The following FASTKD3 variants were observed in gnomAD, a reference collection of about 807,000 sequenced individuals.
The protein encoded by FASTKD3 is FAST kinase domain-containing protein 3, mitochondrial.
Under a neutral mutation model 49.7 loss-of-function variants are expected in FASTKD3, and 47 were observed. That is an observed-to-expected ratio of 0.95 (90% CI 0.75 to 1.21). The LOEUF is 1.21. FASTKD3 is among the 50% of genes most tolerant of loss of function. The pLI is 0.00. For synonymous variants in FASTKD3, 284 were observed against 288.6 expected, an observed-to-expected ratio of 0.98 and a Z score of 0.16; for missense variants, 748 against 765.7, an observed-to-expected ratio of 0.98 and a Z score of 0.27.
At chr5:7,865,503 G>C (rs900003913) in intron 3 of FASTKD3, among the ~76,000 whole-genome samples, 1 of 152,078 alleles carries the variant, frequency 6.6e-6, no homozygotes, top group Non-Finnish European at 1.5e-5. Context: ...TTTCTGGCTT[G>C]GCTTAAAAAT....
chr5:7,862,109 G>T (rs1746591327), intron 4 of FASTKD3: 1 of 153,306 alleles, frequency 6.5e-6, no homozygotes, highest in Non-Finnish European at 1.5e-5. Context: ...GAGCACGGAA[G>T]GCTTCCGAAC....
At chr5:7,860,015 A>G (rs1241579287) in intron 6 of FASTKD3, among the ~76,000 whole-genome samples, 3 of 152,110 alleles carry the variant, frequency 2.0e-5, no homozygotes, top group Non-Finnish European at 4.4e-5. Context: ...GCAGCAAAGG[A>G]GAGAGTCTGC....
Position 7,867,263 on chromosome 5 carries a change from T to C in FASTKD3, c.821A>G (p.Gln274Arg). The C allele has an allele frequency of 6.2e-7, 1 of 1,613,954 alleles. No homozygotes were observed. The highest frequency in any genetic ancestry group is 2.2e-5 in the East Asian group (1 of 44,886). The change falls in exon 2 of 7, where the codon CAA (glutamine) becomes CGA (arginine). Residue 274 changes from glutamine to arginine, a missense_variant. Physicochemically the swap from Gln to Arg is conservative, Grantham distance 43. Around this residue, in one of 3 missense-constraint regions of FASTKD3, gnomAD observed 564 missense variants for 562.8 expected, o/e 1.00. Coordinates refer to ENST00000264669, the MANE Select transcript of FASTKD3 (RefSeq NM_024091.4). ...QACTEKVDEH[Q>R]TFLNKINNFS... is the part of the protein sequence containing the mutation. ...GTTGTTTATCTTATTTAAAAATGTT[T>C]GGTGTTCATCCACTTTTTCAGTACA...
intron 1 of FASTKD3, 145 bp downstream of exon 1, chr5:7,868,834 A>G: frequency 1.9e-6 from 1 of 513,784 alleles, no homozygotes. Flanking sequence ...AATGAAAGGG[A>G]CCCGCGGGGC....
intron 6 of FASTKD3, among the ~76,000 whole-genome samples, chr5:7,860,793 G>T (rs573284405): frequency 6.6e-6 from 1 of 152,148 alleles, no homozygotes; most frequent in East Asian, 1.9e-4. Context: ...GCTATTTCTT[G>T]TAGAAGCTTC....
intron 3 of FASTKD3, among the ~76,000 whole-genome samples, chr5:7,865,658 C>T (rs1409729406): frequency 6.6e-6 from 1 of 152,160 alleles, no homozygotes; most frequent in African/African-American, 2.4e-5. Flanking sequence ...CTGTAACTCA[C>T]ATGCCTGCAG....
Position 7,866,916 on chromosome 5 carries a change from T to C in FASTKD3, c.1168A>G (p.Asn390Asp). 1 of 1,614,144 alleles carries C rather than the reference T, an allele frequency of 6.2e-7. No homozygotes were observed. Among genetic ancestry groups the C allele is most frequent in the East Asian group, 2.2e-5 (1 of 44,880 alleles). ...RELILSKPIL[N>D]AVAETFVCQT... ...CAAACAAAAGTTTCTGCCACTGCAT[T>C]GAGGATGGGTTTTGAAAGAATCAGT... is the stretch of plus-strand genomic sequence containing the variant. Residue 390 changes from asparagine (N) to aspartate (D), a missense_variant, in exon 2 of 7, where the codon AAT (asparagine) becomes GAT (aspartate). Physicochemically the swap from Asn to Asp is conservative, Grantham distance 23. Coordinates refer to ENST00000264669, the MANE Select transcript of FASTKD3 (RefSeq NM_024091.4).
Position 7,866,708 on chromosome 5 carries a change from T to C in FASTKD3, c.1376A>G (p.Glu459Gly), listed in dbSNP as rs16879259. 65,931 of 1,611,430 alleles carry C rather than the reference T, an allele frequency of 0.041. 2,467 individuals carry two copies. Among genetic ancestry groups the C allele is most frequent in the East Asian group, 0.19 (8,694 of 44,848 alleles). Residue 459 changes from glutamate to glycine, a missense_variant, in exon 2 of 7, where the codon GAA becomes GGA. Glu to Gly is a moderately conservative substitution (Grantham distance 98). Around this residue, in one of 3 missense-constraint regions of FASTKD3, gnomAD observed 564 missense variants for 562.8 expected, o/e 1.00. Transcript: ENST00000264669. ...LKLLHSCSLN[E>G]CHPVNFLAKI... ...TGCCAGAAAGTTGACTGGATGGCAT[T>C]CATTAAGTGAACATGAATGAAGAAG... is the stretch of plus-strand genomic sequence containing the variant.
rs757025703 is a variant in FASTKD3, at chr5:7,859,522, A to G, written c.1902T>C (p.Ile634=). 1 of 1,598,734 alleles carries G rather than the reference A, an allele frequency of 6.3e-7. No homozygotes were observed. The highest frequency in any genetic ancestry group is 1.3e-5 in the African/African-American group (1 of 74,318). Residue 634 remains isoleucine, a synonymous_variant, in exon 7 of 7, where the codon ATT becomes ATC. Coordinates refer to ENST00000264669, the MANE Select transcript of FASTKD3 (RefSeq NM_024091.4). ...YQVVQIPYHE[I]GMLKSRRELV... is the part of the protein sequence containing the mutation. ...ATTCACGTCTTGATTTTAGCATCCC[A>G]ATCTCATGATAGGGGATCTGTAAAG...
chr5:7,863,034 TA>T, intron 3 of FASTKD3, 37 bp from the exon 4 acceptor site: 1 of 1,554,564 alleles, frequency 6.4e-7, no homozygotes, highest in Non-Finnish European at 8.8e-7. Flanking sequence ...GAAAGAAAAA[TA>T]AGATATAACA....
In FASTKD3 at chr5:7,863,222, A is replaced by G. The variant is rs1746680434; in HGVS notation, c.1525-225T>C. The G allele has an allele frequency of 5.0e-5, 25 of 501,838 alleles. No individual in the cohort carries two copies. In the South Asian group the frequency reaches 6.0e-4, roughly 12 times the overall value. 31.1% of individuals were successfully genotyped at this position (501,838 alleles called of 1,614,324 possible). A position where few individuals can be genotyped will look rare whatever the true frequency, so the allele number is the denominator to read the frequency against. On this transcript the variant is annotated intron_variant, in intron 3 of 6. Coordinates refer to ENST00000264669, the MANE Select transcript of FASTKD3 (RefSeq NM_024091.4). ...TGTCTTTTATATGTGTTTTTACAGT[A>G]GTCACTGGTTACCATAAACAGAAAG...
Position 7,862,963 on chromosome 5 carries a change from G to C in FASTKD3, c.1559C>G (p.Ser520Ter). 6.2e-7 allele frequency: 1 copy of C among 1,613,886 alleles called. No individual in the cohort carries two copies. Among genetic ancestry groups the C allele is most frequent in the Non-Finnish European group, 8.5e-7 (1 of 1,179,910 alleles). ...PKLLPKYQVKSFLTPCCSLET... is the reference protein window; with the variant it reads ...PKLLPKYQVK The stretch of plus-strand genomic sequence containing the variant: ...CAGGGAACAGCATGGGGTAAGAAAT[G>C]ACTTCACTTGATATTTAGGAAGGAG... The change falls in exon 4 of 7, where the codon TCA (serine) becomes TGA (stop). Residue 520 changes from serine to a stop codon, truncating the protein, a stop_gained. Coordinates refer to ENST00000264669, the MANE Select transcript of FASTKD3 (RefSeq NM_024091.4). LOFTEE classifies it high-confidence loss of function.
At chr5:7,866,022 TTGAGG>T (rs3832335) in intron 2 of FASTKD3, 39 bp from the exon 3 acceptor site, 461,794 of 1,482,092 alleles carry the variant, frequency 0.31, 76,187 homozygotes, top group South Asian at 0.43. Context: ...TACGTCTGAA[TTGAGG>T]TATGTATGAG....
Position 7,862,999 on chromosome 5 carries a change from T to TA in FASTKD3, c.1525-3dup, listed in dbSNP as rs546325772. 11,198 of 1,610,420 alleles carry TA rather than the reference T, an allele frequency of 7.0e-3. 53 individuals carry two copies. Among genetic ancestry groups the TA allele is most frequent in the Middle Eastern group, 0.012 (75 of 6,054 alleles). Reference sequence around the variant, plus strand: ...ATATTTAGGAAGGAGTTTTGGACCCTAAAAAATCATAAGTGCAAATGTGAG... The same window carrying TA: ...ATATTTAGGAAGGAGTTTTGGACCCTAAAAAAATCATAAGTGCAAATGTGAG... On this transcript the variant is annotated splice_polypyrimidine_tract_variant and splice_region_variant and intron_variant, in intron 3 of 6. Coordinates refer to ENST00000264669, the MANE Select transcript of FASTKD3 (RefSeq NM_024091.4).
At chr5:7,862,499 T>C (rs572114349) in intron 4 of FASTKD3, among the ~76,000 whole-genome samples, 3 of 152,302 alleles carry the variant, frequency 2.0e-5, no homozygotes, top group African/African-American at 7.2e-5. Flanking sequence ...TAGTGAGCAT[T>C]TCCTACGTTC....
chr5:7,868,690 G>T (rs1747259181), intron 1 of FASTKD3, among the ~76,000 whole-genome samples: 1 of 152,110 alleles, frequency 6.6e-6, no homozygotes, highest in African/African-American at 2.4e-5. Context: ...GGTAGGAAAA[G>T]AAAAAGCAAA....
At position 7,865,891 on chromosome 5, in the gene FASTKD3, C is replaced by T. The variant is rs1553997184; in HGVS notation, c.1524+7G>A. ...GAAATAAAGCCACATATAGTTCATG[C>T]TTTTACCTTATAGAAAGGGCATTCC... is the stretch of plus-strand genomic sequence containing the variant. On this transcript the variant is annotated splice_region_variant and intron_variant, in intron 3 of 6. Coordinates refer to ENST00000264669, the MANE Select transcript of FASTKD3 (RefSeq NM_024091.4). 2 of 1,610,852 alleles carry T rather than the reference C, an allele frequency of 1.2e-6. No homozygotes were observed. The highest frequency in any genetic ancestry group is 2.2e-5 in the South Asian group (2 of 90,970).
Position 7,861,136 on chromosome 5 carries a change from G to A in FASTKD3, c.1884+13C>T. 6.7e-7 allele frequency: 1 copy of A among 1,501,124 alleles called. No homozygotes were observed. Among genetic ancestry groups the A allele is most frequent in the Non-Finnish European group, 9.2e-7 (1 of 1,092,380 alleles). 93.0% of individuals were successfully genotyped at this position (1,501,124 alleles called of 1,614,324 possible). On this transcript the variant is annotated intron_variant, in intron 6 of 6. Transcript: ENST00000264669. ...TTGCTTTTGGGAAACAAAAAAAATA[G>A]GTGAAACCGTACCTGAACAACTTGA...
rs551054714 is a variant in FASTKD3 at position 7,867,090 on chromosome 5, C to T, written c.994G>A (p.Glu332Lys). 42 of 1,614,104 alleles carry T rather than the reference C, an allele frequency of 2.6e-5. 1 individual carries two copies. In the South Asian group the frequency reaches 3.1e-4, roughly 12 times the overall value. ...VVRHVPHFTNEELRRVLEAFI... is the reference protein window; with the variant it reads ...VVRHVPHFTNKELRRVLEAFI... ...GCCTCCAAGACTCTCCTAAGCTCCTCGTTAGTGAAATGTGGGACATGCCTC... is the reference window on the plus strand; with the variant it reads ...GCCTCCAAGACTCTCCTAAGCTCCTTGTTAGTGAAATGTGGGACATGCCTC... The change falls in exon 2 of 7, where the codon GAG becomes AAG. Residue 332 changes from glutamate (E) to lysine (K), a missense_variant. This residue lies in a region of FASTKD3 where 564 missense variants were observed against 562.8 expected (regional missense o/e 1.00). Coordinates refer to ENST00000264669, the MANE Select transcript of FASTKD3 (RefSeq NM_024091.4).
Sources: gnomAD v4.1 joint callset for allele counts (sites outside exome capture counted in the v4.1 genomes callset) on GRCh38, gnomAD v4.1.1 for gene constraint, gnomAD v4.1.1 regional missense constraint, MANE v1.5 for transcripts, NCBI Gene and HGNC (gene_info 2026-07-23, HGNC 2026-07-21) for gene names.